Variants in ADAMTS9 observed in about 807,000 individuals in gnomAD.
ADAMTS9 encodes ADAM metallopeptidase with thrombospondin type 1 motif 9.
In ADAMTS9, 107 loss-of-function variants were observed where a neutral mutation model predicts 257.1. The observed-to-expected ratio is 0.42, with a 90% CI of 0.36 to 0.49. The LOEUF is 0.49. Among genes scored for constraint, ADAMTS9 ranks in the 20% least tolerant of loss-of-function variants. The pLI, the probability that ADAMTS9 is intolerant of heterozygous loss-of-function variation, is 0.03. For synonymous variants in ADAMTS9, 982 were observed against 880.9 expected (o/e 1.11, Z -2.03); for missense variants, 2,353 against 2,469.1 (o/e 0.95, Z 1.00).
chr3:64,651,697 A>G (rs1202238046), intron 8 of ADAMTS9, among the ~76,000 whole-genome samples: 5 of 152,198 alleles, frequency 3.3e-5, no homozygotes, highest in Non-Finnish European at 7.3e-5. Context: ...TTCTAAAGGC[A>G]TGCAAAGTTT....
In ADAMTS9 at chr3:64,621,211, T is replaced by C; in HGVS notation, c.2716A>G (p.Arg906Gly). ...GERKRKLVCT[R>G]ESDQLTVSDQ... is the part of the protein sequence containing the mutation. ...GAAACAGTAAGCTGATCAGATTCCC[T>C]GGTGCAAACAAGTTTTCGTTTCCGT... The change falls in exon 19 of 40, where the codon AGG (arginine) becomes GGG (glycine). Residue 906 changes from arginine (R) to glycine (G), a missense_variant. Arg to Gly is a moderately radical substitution (Grantham distance 125, BLOSUM62 -2). Around this residue, in one of 3 missense-constraint regions of ADAMTS9, gnomAD observed 1,402 missense variants for 1,441.4 expected, o/e 0.97. Transcript: ENST00000498707. 6.2e-7 allele frequency: 1 copy of C among 1,613,760 alleles called. No individual in the cohort carries two copies. Among genetic ancestry groups the C allele is most frequent in the South Asian group, 1.1e-5 (1 of 91,062 alleles).
intron 3 of ADAMTS9, among the ~76,000 whole-genome samples, chr3:64,669,982 C>T (rs1353348654): frequency 2.0e-5 from 3 of 152,184 alleles, no homozygotes; most frequent in Admixed American, 6.5e-5. Context: ...AAAGATACCG[C>T]TGGAAAAGCA....
At chr3:64,541,691 T>C (rs2106911785) in intron 33 of ADAMTS9, 71 bp from the exon 34 acceptor site, 16 of 1,556,746 alleles carry the variant, frequency 1.0e-5, no homozygotes, top group Middle Eastern at 1.7e-4. Context: ...ATAGAATGAA[T>C]GACATTGTTC....
chr3:64,535,818 C>T (rs1265380427), intron 37 of ADAMTS9, among the ~76,000 whole-genome samples: 4 of 152,036 alleles, frequency 2.6e-5, no homozygotes, highest in Non-Finnish European at 4.4e-5. Flanking sequence ...GCTGGGATTA[C>T]AGGCATGACC....
intron 38 of ADAMTS9, among the ~76,000 whole-genome samples, chr3:64,530,004 T>TTG (rs2082957180): frequency 7.2e-6 from 1 of 137,932 alleles, no homozygotes; most frequent in South Asian, 2.3e-4. Flanking sequence ...TTTTTTTTTT[T>TTG]GTAGAGATTG....
rs67920064 is a variant in ADAMTS9 at position 64,516,513 on chromosome 3, G to A, written c.*614C>T. On this transcript the variant is annotated 3_prime_UTR_variant, in exon 40 of 40. Coordinates refer to ENST00000498707, the MANE Select transcript of ADAMTS9 (RefSeq NM_182920.2). ...TTAAAAGTGTTTATATTTCTGAGTC[G>A]GATGATCATTTAAATACATACAATA... 0.22 allele frequency: 33,235 copies of A among 152,292 alleles called. 4,872 individuals carry two copies. Among genetic ancestry groups the A allele is most frequent in the East Asian group, 0.41 (2,095 of 5,144 alleles). The allele number at this position is 152,292 out of a possible 1,614,324, so 9.4% of individuals were successfully genotyped here.
Position 64,628,538 on chromosome 3 carries a change from A to G in ADAMTS9, c.2389+2917T>C, listed in dbSNP as rs147847244. Reference sequence around the variant, plus strand: ...TTTATAACCAAGTGTACAAAGAAAAATACTTGCCCCATTCTGCAGCTGTGC... The same window carrying G: ...TTTATAACCAAGTGTACAAAGAAAAGTACTTGCCCCATTCTGCAGCTGTGC... On this transcript the variant is annotated intron_variant, in intron 16 of 39. Transcript: ENST00000498707. Among the ~76,000 whole-genome samples the G allele has an allele frequency of 7.0e-4, 107 of 152,324 alleles. 4 individuals are homozygous for G. In the East Asian group the frequency reaches 0.01, roughly 15 times the overall value.
Position 64,587,743 on chromosome 3 carries a change from T to C in ADAMTS9, c.4356+6515A>G, listed in dbSNP as rs567033434. On this transcript the variant is annotated intron_variant, in intron 28 of 39. Coordinates refer to ENST00000498707, the MANE Select transcript of ADAMTS9 (RefSeq NM_182920.2). ...TTCCTTGGCTGCCAATTTTCTATTT[T>C]ATAAATTTCAGGAAAGAGAGATTAT... 3 of 152,250 alleles carry C rather than the reference T, an allele frequency of 2.0e-5. No individual in the cohort carries two copies. The South Asian group carries it at 6.2e-4, about 32-fold the overall frequency. 9.4% of individuals were successfully genotyped at this position (152,250 alleles called of 1,614,324 possible). A position where few individuals can be genotyped will look rare whatever the true frequency, so the allele number is the denominator to read the frequency against.
Position 64,654,464 on chromosome 3 carries a change from A to C in ADAMTS9, c.1211-6T>G, listed in dbSNP as rs762674255. 1.9e-6 allele frequency: 3 copies of C among 1,613,628 alleles called. No homozygotes were observed. Among genetic ancestry groups the C allele is most frequent in the Non-Finnish European group, 2.5e-6 (3 of 1,179,926 alleles). On this transcript the variant is annotated splice_polypyrimidine_tract_variant and splice_region_variant and intron_variant, in intron 7 of 39. Coordinates refer to ENST00000498707, the MANE Select transcript of ADAMTS9 (RefSeq NM_182920.2). The stretch of plus-strand genomic sequence containing the variant: ...GGTTCCCAGTTCAGCCAGGCCTATT[A>C]GAAGGAAAAAAACCAACAAGGATTT...
chr3:64,557,233 G>A (rs770694014), intron 30 of ADAMTS9, among the ~76,000 whole-genome samples: 4 of 152,094 alleles, frequency 2.6e-5, no homozygotes, highest in Admixed American at 1.3e-4. Flanking sequence ...GTGTATTCCA[G>A]GTAAAGGGGG....
intron 34 of ADAMTS9, 49 bp downstream of exon 34, chr3:64,541,477 A>C (rs1312953970): frequency 6.2e-7 from 1 of 1,605,548 alleles, no homozygotes; most frequent in African/African-American, 1.3e-5. Context: ...AGCGGTGATC[A>C]CTCACTCTAA....
chr3:64,615,604 T>G, intron 20 of ADAMTS9, 119 bp from the exon 21 acceptor site: 3 of 1,080,024 alleles, frequency 2.8e-6, no homozygotes, highest in Non-Finnish European at 3.9e-6. Flanking sequence ...TGGCCAACTC[T>G]AGTTATTTTG....
At position 64,604,046 on chromosome 3, in the gene ADAMTS9, C is replaced by T. The variant is rs769781943; in HGVS notation, c.3623G>A (p.Ser1208Asn). 6.2e-7 allele frequency: 1 copy of T among 1,614,130 alleles called. No individual in the cohort carries two copies. The change falls in exon 25 of 40, where the codon AGC (serine) becomes AAC (asparagine). Residue 1208 changes from serine (S) to asparagine (N), a missense_variant. This residue lies in a region of ADAMTS9 where 1,402 missense variants were observed against 1,441.4 expected (regional missense o/e 0.97). Transcript: ENST00000498707. The stretch of plus-strand genomic sequence containing the variant: ...CACAGAGCCATTCTCATCTCGGCAG[C>T]TGACGTATCTCATCCGGGTACCTTT... ...CGKGTRMRYV[S>N]CRDENGSVAD...
chr3:64,599,749 C>G (rs28566127), intron 26 of ADAMTS9, among the ~76,000 whole-genome samples: 86 of 152,314 alleles, frequency 5.6e-4, no homozygotes, highest in African/African-American at 2.0e-3. Context: ...GGTTGGCAAG[C>G]CACAGCCCAA....
At chr3:64,615,575 T>G in intron 20 of ADAMTS9, 90 bp from the exon 21 acceptor site, 2 of 1,344,302 alleles carry the variant, frequency 1.5e-6, no homozygotes, top group Non-Finnish European at 2.0e-6. Context: ...TTCCAGCTCT[T>G]AAGAAACAAC....
In ADAMTS9 at chr3:64,642,125, T is replaced by C. The variant is rs948072174; in HGVS notation, c.1711-132A>G. 8 of 1,014,044 alleles carry C rather than the reference T, an allele frequency of 7.9e-6. No individual in the cohort carries two copies. In the African/African-American group the frequency reaches 1.1e-4, roughly 14 times the overall value. 62.8% of individuals were successfully genotyped at this position (1,014,044 alleles called of 1,614,324 possible). ...TTTGAAATGCTGCAGGTTCATCATCTATATGAATAATGGAAGCTATAGGGA... is the reference window on the plus strand; with the variant it reads ...TTTGAAATGCTGCAGGTTCATCATCCATATGAATAATGGAAGCTATAGGGA... On this transcript the variant is annotated intron_variant, in intron 11 of 39. Coordinates refer to ENST00000498707, the MANE Select transcript of ADAMTS9 (RefSeq NM_182920.2).
In ADAMTS9 at chr3:64,649,723, GC is replaced by G. The variant is rs1297840321; in HGVS notation, c.1518del (p.Leu506PhefsTer12). ...TAAAGGATGCCTGGCAGTTGGACAG[GC>G]AAAGGGTAGGGTCTGGATTCAGGTT... ...LNEPESRPYP[L>X]PVQLPGILYN... On this transcript the variant is annotated frameshift_variant, in exon 10 of 40. Transcript: ENST00000498707. LOFTEE classifies it high-confidence loss of function. 1 of 1,613,996 alleles carries G rather than the reference GC, an allele frequency of 6.2e-7. No individual in the cohort carries two copies. The highest frequency in any genetic ancestry group is 8.5e-7 in the Non-Finnish European group (1 of 1,179,960).
At chr3:64,644,113 G>GA (rs1385821674) in intron 11 of ADAMTS9, among the ~76,000 whole-genome samples, 1 of 152,164 alleles carries the variant, frequency 6.6e-6, no homozygotes, top group Non-Finnish European at 1.5e-5. Flanking sequence ...GCACATGGGG[G>GA]ACCCCACTTA....
chr3:64,538,241 A>G, intron 37 of ADAMTS9, among the ~76,000 whole-genome samples: 1 of 152,152 alleles, frequency 6.6e-6, no homozygotes, highest in East Asian at 1.9e-4. Flanking sequence ...AATGTTTGTG[A>G]GTCTCCAGTA....
Sources: allele counts gnomAD v4.1 joint callset (sites outside exome capture counted in the v4.1 genomes callset), GRCh38; gene constraint gnomAD v4.1.1; regional missense constraint gnomAD v4.1.1; transcripts MANE v1.5; gene names NCBI Gene and HGNC (gene_info 2026-07-23, HGNC 2026-07-21).